SCFD2: variants seen among roughly 807,000 people sequenced by gnomAD.
SCFD2 encodes the protein sec1 family domain-containing protein 2.
In SCFD2, 54 loss-of-function variants were observed where a neutral mutation model predicts 58.9. The ratio of observed to expected loss-of-function variants is 0.92; its 90% CI spans 0.74 to 1.15. SCFD2 has a LOEUF of 1.15. SCFD2 is among the 50% of genes most tolerant of loss of function. SCFD2 has a pLI of 0.00. For missense variants in SCFD2, 805 were observed against 836.6 expected (o/e 0.96, Z 0.47); for synonymous variants, 321 against 335.9 (o/e 0.96, Z 0.49).
intron 5 of SCFD2, among the ~76,000 whole-genome samples, chr4:53,043,818 C>G (rs1436540134): frequency 6.9e-6 from 1 of 144,226 alleles, no homozygotes; most frequent in Non-Finnish European, 1.5e-5. Context: ...AAAATAAACA[C>G]TTACAAACCT....
intron 3 of SCFD2, among the ~76,000 whole-genome samples, chr4:53,294,021 GT>G (rs1396169677): frequency 2.7e-5 from 4 of 148,532 alleles, no homozygotes; most frequent in Admixed American, 2.7e-4. Context: ...GAGAATGATG[GT>G]TTTCTTTATC....
intron 7 of SCFD2, among the ~76,000 whole-genome samples, chr4:52,893,234 T>TTC (rs150709202): frequency 3.6e-4 from 55 of 151,126 alleles, no homozygotes; most frequent in East Asian, 1.2e-3. Flanking sequence ...TTTCCCTTCT[T>TTC]TCTCTCTCTC....
intron 2 of SCFD2, among the ~76,000 whole-genome samples, chr4:53,326,520 A>G (rs919929451): frequency 2.0e-5 from 3 of 152,204 alleles, no homozygotes; most frequent in Non-Finnish European, 4.4e-5. Flanking sequence ...AAATCTACAA[A>G]AAGTCTACTG....
At chr4:52,953,534 T>C (rs561210381) in intron 5 of SCFD2, among the ~76,000 whole-genome samples, 42 of 152,100 alleles carry the variant, frequency 2.8e-4, no homozygotes, top group Middle Eastern at 3.4e-3. Flanking sequence ...CCCCTGAAGG[T>C]GGTGTCAAGG....
intron 4 of SCFD2, among the ~76,000 whole-genome samples, chr4:53,169,905 C>T (rs1431435867): frequency 2.6e-5 from 4 of 152,086 alleles, no homozygotes; most frequent in Admixed American, 6.6e-5. Context: ...TGAGATGTTT[C>T]GGTTCCTTAA....
At chr4:53,344,360 G>T (rs1733987326) in intron 2 of SCFD2, among the ~76,000 whole-genome samples, 1 of 152,100 alleles carries the variant, frequency 6.6e-6, no homozygotes, top group Non-Finnish European at 1.5e-5. Context: ...TTGCTACAAA[G>T]AGAATAAAAT....
At chr4:53,039,362 A>C (rs1722838627) in intron 5 of SCFD2, among the ~76,000 whole-genome samples, 1 of 152,180 alleles carries the variant, frequency 6.6e-6, no homozygotes, top group East Asian at 1.9e-4. Context: ...TAAGCCTTAA[A>C]ATACCAATTT....
At chr4:52,993,790 T>C (rs1375630079) in intron 5 of SCFD2, among the ~76,000 whole-genome samples, 3 of 152,268 alleles carry the variant, frequency 2.0e-5, no homozygotes, top group South Asian at 2.1e-4. Context: ...CAGGTACTTT[T>C]CTTTTGACAT....
chr4:52,974,627 T>C (rs1721202596), intron 5 of SCFD2, among the ~76,000 whole-genome samples: 1 of 152,068 alleles, frequency 6.6e-6, no homozygotes, highest in Non-Finnish European at 1.5e-5. Context: ...GTCATCCCCA[T>C]CAAGCTACCA....
At chr4:52,969,243 C>A (rs1405168365) in intron 5 of SCFD2, among the ~76,000 whole-genome samples, 1 of 152,188 alleles carries the variant, frequency 6.6e-6, no homozygotes, top group Non-Finnish European at 1.5e-5. Flanking sequence ...GACTGCAAGA[C>A]CCTATTGTGG....
intron 4 of SCFD2, among the ~76,000 whole-genome samples, chr4:53,264,719 T>C (rs1254483166): frequency 1.3e-5 from 2 of 152,212 alleles, no homozygotes; most frequent in African/African-American, 4.8e-5. Flanking sequence ...AATCTGCCAA[T>C]TTATTAGAAA....
chr4:53,271,778 T>C (rs1731176962), intron 4 of SCFD2, among the ~76,000 whole-genome samples: 1 of 152,114 alleles, frequency 6.6e-6, no homozygotes, highest in Non-Finnish European at 1.5e-5. Context: ...CTTTGGATTA[T>C]CTTAAAAATA....
chr4:52,890,028 A>T (rs1032699334), intron 7 of SCFD2, among the ~76,000 whole-genome samples: 1 of 152,250 alleles, frequency 6.6e-6, no homozygotes, highest in African/African-American at 2.4e-5. Flanking sequence ...TCCACAGGTT[A>T]ACAGGAAAGG....
intron 4 of SCFD2, among the ~76,000 whole-genome samples, chr4:53,260,388 C>T (rs778811164): frequency 3.9e-5 from 6 of 151,938 alleles, no homozygotes; most frequent in African/African-American, 1.2e-4. Flanking sequence ...CCTTTATTAC[C>T]TTAAGGTATG....
chr4:52,958,566 G>A (rs955381322), intron 5 of SCFD2, among the ~76,000 whole-genome samples: 3 of 152,072 alleles, frequency 2.0e-5, no homozygotes, highest in East Asian at 1.9e-4. Context: ...TCGGCTTACC[G>A]TCAGATCCAA....
chr4:53,199,272 A>T (rs977590331), intron 4 of SCFD2, among the ~76,000 whole-genome samples: 1 of 152,120 alleles, frequency 6.6e-6, no homozygotes, highest in African/African-American at 2.4e-5. Context: ...TGTAGTCAGA[A>T]AGCACCCTGA....
At chr4:53,041,634 T>C (rs1258569925) in intron 5 of SCFD2, among the ~76,000 whole-genome samples, 1 of 152,126 alleles carries the variant, frequency 6.6e-6, no homozygotes, top group Non-Finnish European at 1.5e-5. Context: ...GAAAGAATGA[T>C]CCACATTGTT....
intron 5 of SCFD2, among the ~76,000 whole-genome samples, chr4:53,139,046 T>G (rs1366839572): frequency 3.3e-5 from 5 of 152,166 alleles, no homozygotes; most frequent in African/African-American, 4.8e-5. Flanking sequence ...GGTTTTTGTA[T>G]TTTTTGGGAA....
chr4:53,044,428 AC>A (rs1722975272), intron 5 of SCFD2, among the ~76,000 whole-genome samples: 3 of 151,938 alleles, frequency 2.0e-5, no homozygotes, highest in African/African-American at 7.2e-5. Flanking sequence ...CTGTCTCAGC[AC>A]CTGGTTTCTG....
Sources: gnomAD v4.1 joint callset for allele counts (sites outside exome capture counted in the v4.1 genomes callset) on GRCh38, gnomAD v4.1.1 for gene constraint, MANE v1.5 for transcripts, NCBI Gene and HGNC (gene_info 2026-07-23, HGNC 2026-07-21) for gene names.